CDC73: variants seen among roughly 807,000 people sequenced by gnomAD.
CDC73 encodes the protein parafibromin.
Under a neutral mutation model 83.7 loss-of-function variants are expected in CDC73, and 21 were observed. The observed-to-expected ratio is 0.25, with a 90% CI of 0.18 to 0.36. The LOEUF (loss-of-function observed/expected upper bound fraction) is 0.36. Among genes scored for constraint, CDC73 ranks in the 10% least tolerant of loss-of-function variants. CDC73 has a pLI of 1.00. For synonymous variants in CDC73, 224 were observed against 212.9 expected (o/e 1.05, Z -0.45); for missense variants, 342 against 653.3 (o/e 0.52, Z 5.19).
rs1675832662 is a variant in CDC73, at chr1:193,138,117, A to G, written c.456A>G (p.Arg152=). 1 of 1,613,666 alleles carries G rather than the reference A, an allele frequency of 6.2e-7. No homozygotes were observed. The highest frequency in any genetic ancestry group is 8.5e-7 in the Non-Finnish European group (1 of 1,179,674). Residue 152 remains arginine (R), a synonymous_variant, in exon 6 of 17, where the codon AGA becomes AGG. Coordinates refer to ENST00000367435, the MANE Select transcript of CDC73 (RefSeq NM_024529.5). ...AGTGTGTGCGCCTTGATAAAGAGAG[A>G]TTGGCTGCCCGTTTGGAGGGTCACA... ...DEECVRLDKE[R]LAARLEGHKE...
At chr1:193,234,311 A>ATATATAT (rs1677720837) in intron 14 of CDC73, among the ~76,000 whole-genome samples, 1 of 23,888 alleles carries the variant, frequency 4.2e-5, no homozygotes, top group Non-Finnish European at 1.2e-4. Flanking sequence ...ATATAATTTA[A>ATATATAT]AATATATATA....
chr1:193,172,235 A>AC (rs1430691741), intron 10 of CDC73, among the ~76,000 whole-genome samples: 4 of 124,684 alleles, frequency 3.2e-5, no homozygotes, highest in East Asian at 2.2e-4. Context: ...GATTTTTGGT[A>AC]CCTTTTTTTT....
In CDC73 at chr1:193,135,371, G is replaced by T. The variant is rs778469738; in HGVS notation, c.308-20G>T. On this transcript the variant is annotated intron_variant, in intron 3 of 16. Transcript: ENST00000367435. ...TATGTTGAAATAGTAATCCTTACGTGAATCTTTTTATGTCTTCAGCAACAT... is the reference window on the plus strand; with the variant it reads ...TATGTTGAAATAGTAATCCTTACGTTAATCTTTTTATGTCTTCAGCAACAT... 5.0e-6 allele frequency: 8 copies of T among 1,599,318 alleles called. No individual in the cohort carries two copies. The South Asian group carries it at 5.5e-5, about 11-fold the overall frequency.
chr1:193,122,484 A>T (rs914645255), intron 1 of CDC73, 153 bp downstream of exon 1: 1 of 977,202 alleles, frequency 1.0e-6, no homozygotes, highest in Admixed American at 2.2e-5. Context: ...CAGAAGTTGC[A>T]CTTTTAGGGT....
chr1:193,186,562 A>G (rs1676812211), intron 10 of CDC73: 1 of 152,416 alleles, frequency 6.6e-6, no homozygotes, highest in African/African-American at 2.4e-5. Flanking sequence ...AGTCTATAAT[A>G]TGAAATCCAC....
chr1:193,129,341 A>G (rs1301958244), intron 2 of CDC73, among the ~76,000 whole-genome samples: 1 of 151,108 alleles, frequency 6.6e-6, no homozygotes, highest in Admixed American at 6.6e-5. Flanking sequence ...CATGTTGGCC[A>G]GGCTGGTCTT....
At chr1:193,204,744 A>G (rs1677158099) in intron 11 of CDC73, among the ~76,000 whole-genome samples, 1 of 152,174 alleles carries the variant, frequency 6.6e-6, no homozygotes, top group Non-Finnish European at 1.5e-5. Context: ...TTTTTAAGAA[A>G]ATGTTTTCAT....
At chr1:193,176,344 CT>C (rs1676602444) in intron 10 of CDC73, among the ~76,000 whole-genome samples, 1 of 152,140 alleles carries the variant, frequency 6.6e-6, no homozygotes, top group Non-Finnish European at 1.5e-5. Flanking sequence ...AACTGTTTTG[CT>C]TTTTTGAGGC....
chr1:193,206,418 T>C (rs1316046092), intron 11 of CDC73, among the ~76,000 whole-genome samples: 1 of 152,144 alleles, frequency 6.6e-6, no homozygotes, highest in African/African-American at 2.4e-5. Flanking sequence ...ATAATTAAGG[T>C]TTTTGCTCTC....
intron 13 of CDC73, among the ~76,000 whole-genome samples, chr1:193,225,342 A>T (rs149088278): frequency 6.6e-6 from 1 of 151,382 alleles, no homozygotes; most frequent in African/African-American, 2.4e-5. Context: ...CATTTTTGCA[A>T]TTGCGAATTG....
chr1:193,207,310 A>C (rs1443209481), intron 11 of CDC73, among the ~76,000 whole-genome samples: 1 of 152,226 alleles, frequency 6.6e-6, no homozygotes, highest in South Asian at 2.1e-4. Flanking sequence ...AGAATTACTG[A>C]TGAGGGTCTA....
intron 10 of CDC73, among the ~76,000 whole-genome samples, chr1:193,159,124 A>G (rs989574476): frequency 2.0e-5 from 3 of 152,166 alleles, no homozygotes; most frequent in South Asian, 2.1e-4. Flanking sequence ...ATTTTTTCCA[A>G]CTTTTTTTGA....
chr1:193,220,084 C>T (rs1677439806), intron 13 of CDC73, among the ~76,000 whole-genome samples: 1 of 150,584 alleles, frequency 6.6e-6, no homozygotes, highest in African/African-American at 2.4e-5. Context: ...CAGTTTTATT[C>T]AGCAACATAA....
intron 15 of CDC73, among the ~76,000 whole-genome samples, chr1:193,241,765 A>C (rs1213898538): frequency 6.6e-6 from 1 of 152,208 alleles, no homozygotes; most frequent in Non-Finnish European, 1.5e-5. Context: ...TCAGGCCCCA[A>C]AATGTGTGCT....
At chr1:193,234,242 ATATT>A (rs1460519933) in intron 14 of CDC73, among the ~76,000 whole-genome samples, 45 of 28,148 alleles carry the variant, frequency 1.6e-3, no homozygotes, top group Non-Finnish European at 2.4e-3. Flanking sequence ...TAAAATTTAT[ATATT>A]TATTTATATA....
intron 10 of CDC73, among the ~76,000 whole-genome samples, chr1:193,155,145 A>G (rs777221063): frequency 1.3e-5 from 2 of 152,202 alleles, no homozygotes; most frequent in Non-Finnish European, 2.9e-5. Flanking sequence ...TCCTATATAT[A>G]TATGTTGTAG....
chr1:193,140,776 A>G (rs1450311440), intron 6 of CDC73, among the ~76,000 whole-genome samples: 2 of 152,184 alleles, frequency 1.3e-5, no homozygotes, highest in Non-Finnish European at 2.9e-5. Flanking sequence ...ACATAATTTA[A>G]AACTTACGAA....
At chr1:193,166,647 T>C (rs1676439234) in intron 10 of CDC73, among the ~76,000 whole-genome samples, 1 of 151,860 alleles carries the variant, frequency 6.6e-6, no homozygotes, top group Non-Finnish European at 1.5e-5. Context: ...TTCACACTTT[T>C]TTTCTTTTTT....
intron 10 of CDC73, chr1:193,180,611 C>T: frequency 6.2e-7 from 1 of 1,614,094 alleles, no homozygotes; most frequent in Non-Finnish European, 8.5e-7. Context: ...CCAGAAAAAA[C>T]ATAACCAGTT....
Sources: allele counts gnomAD v4.1 joint callset (sites outside exome capture counted in the v4.1 genomes callset), GRCh38; gene constraint gnomAD v4.1.1; transcripts MANE v1.5; gene names NCBI Gene and HGNC (gene_info 2026-07-23, HGNC 2026-07-21).